Variants in ACYP2 observed in about 807,000 individuals in gnomAD.
The protein encoded by ACYP2 is acylphosphatase-2.
A neutral mutation model predicts 11.2 loss-of-function variants in ACYP2; 12 were observed. That is an observed-to-expected ratio of 1.08 (90% CI 0.69 to 1.74). The LOEUF (loss-of-function observed/expected upper bound fraction) is 1.74. ACYP2 is among the 40% of genes most tolerant of loss of function. The probability of loss-of-function intolerance (pLI) is 0.00; values close to 1 mark genes in which losing one functional copy is unlikely to be tolerated. For synonymous variants in ACYP2, 43 were observed against 32.2 expected (o/e 1.33, Z -1.13); for missense variants, 134 against 101.9 (o/e 1.31, Z -1.35).
At chr2:54,096,090 G>A (rs1441655023) in intron 4 of ACYP2, among the ~76,000 whole-genome samples, 5 of 139,842 alleles carry the variant, frequency 3.6e-5, no homozygotes, top group Non-Finnish European at 6.2e-5. Context: ...GTGGCTGCGG[G>A]GCGGAGACGC....
chr2:54,193,301 A>G (rs1684314929), intron 6 of ACYP2, among the ~76,000 whole-genome samples: 1 of 152,246 alleles, frequency 6.6e-6, no homozygotes, highest in Non-Finnish European at 1.5e-5. Flanking sequence ...TACCACATTA[A>G]TATCTTTATT....
chr2:54,165,136 T>C (rs549107280), intron 6 of ACYP2, among the ~76,000 whole-genome samples: 4 of 152,338 alleles, frequency 2.6e-5, no homozygotes, highest in East Asian at 3.9e-4. Flanking sequence ...GTTGGTTCCA[T>C]GTCTTTGCTA....
chr2:54,104,627 T>C (rs1679056439), intron 4 of ACYP2, among the ~76,000 whole-genome samples: 1 of 152,166 alleles, frequency 6.6e-6, no homozygotes, highest in African/African-American at 2.4e-5. Flanking sequence ...TTAGTCTGAG[T>C]ATTCTACACT....
At chr2:54,116,055 T>G (rs9808489) in intron 4 of ACYP2, among the ~76,000 whole-genome samples, 8,027 of 151,916 alleles carry the variant, frequency 0.053, 655 homozygotes, top group African/African-American at 0.18. Context: ...CACGGGGGAA[T>G]GTTGAAGTTG....
chr2:54,255,013 T>C, intron 6 of ACYP2: 1 of 1,614,110 alleles, frequency 6.2e-7, no homozygotes, highest in Non-Finnish European at 8.5e-7. Context: ...CAACAGGTAG[T>C]ACTGCAGTGG....
At chr2:53,995,014 T>G (rs1672501627) in intron 2 of ACYP2, among the ~76,000 whole-genome samples, 1 of 152,168 alleles carries the variant, frequency 6.6e-6, no homozygotes, top group Non-Finnish European at 1.5e-5. Flanking sequence ...AAGAGTGTCT[T>G]TCTGTTTTTG....
chr2:53,990,989 G>A (rs949211912), intron 2 of ACYP2, among the ~76,000 whole-genome samples: 1 of 152,024 alleles, frequency 6.6e-6, no homozygotes, highest in Non-Finnish European at 1.5e-5. Context: ...GTAGAGACGG[G>A]GTTTCACTGT....
At chr2:54,218,000 C>A (rs1685626821) in intron 6 of ACYP2, among the ~76,000 whole-genome samples, 1 of 152,168 alleles carries the variant, frequency 6.6e-6, no homozygotes, top group African/African-American at 2.4e-5. Flanking sequence ...AACCTTGTTA[C>A]CACTTTTTGA....
At chr2:54,151,246 G>A (rs1162804744) in intron 6 of ACYP2, among the ~76,000 whole-genome samples, 1 of 152,114 alleles carries the variant, frequency 6.6e-6, no homozygotes, top group South Asian at 2.1e-4. Context: ...TGAGTTTCCA[G>A]TTGTGACAAT....
intron 6 of ACYP2, among the ~76,000 whole-genome samples, chr2:54,231,521 G>A (rs183334718): frequency 2.7e-4 from 41 of 152,288 alleles, no homozygotes; most frequent in African/African-American, 8.2e-4. Context: ...GTTGGGACCT[G>A]GTAAAAGCAG....
intron 4 of ACYP2, among the ~76,000 whole-genome samples, chr2:54,120,029 A>T (rs1353251937): frequency 6.6e-6 from 1 of 152,264 alleles, no homozygotes; most frequent in South Asian, 2.1e-4. Context: ...AAGGAAGACC[A>T]CAGAGGTGAA....
At chr2:54,287,510 G>A (rs1460053563) in intron 6 of ACYP2, among the ~76,000 whole-genome samples, 1 of 151,976 alleles carries the variant, frequency 6.6e-6, no homozygotes, top group Non-Finnish European at 1.5e-5. Context: ...CTCATAGAAT[G>A]TGTTAGAGGT....
At chr2:54,247,932 G>C (rs112358859) in intron 6 of ACYP2, among the ~76,000 whole-genome samples, 26 of 152,302 alleles carry the variant, frequency 1.7e-4, no homozygotes, top group African/African-American at 6.0e-4. Context: ...ACTTTGTACA[G>C]TTATATGAGA....
At chr2:54,109,759 G>T (rs1679359068) in intron 4 of ACYP2, among the ~76,000 whole-genome samples, 1 of 151,874 alleles carries the variant, frequency 6.6e-6, no homozygotes, top group Non-Finnish European at 1.5e-5. Flanking sequence ...ATATAGTAGA[G>T]TTCCCATATG....
chr2:54,207,173 ATG>A (rs58920943), intron 6 of ACYP2, among the ~76,000 whole-genome samples: 4,268 of 138,580 alleles, frequency 0.031, 153 homozygotes, highest in African/African-American at 0.089. Flanking sequence ...CAACATGTAT[ATG>A]TGTGTGTGTG....
chr2:54,081,082 T>C (rs906306523), intron 4 of ACYP2, among the ~76,000 whole-genome samples: 1 of 152,250 alleles, frequency 6.6e-6, no homozygotes, highest in Non-Finnish European at 1.5e-5. Context: ...TCAAATACTC[T>C]TTGAGTTCAT....
intron 2 of ACYP2, among the ~76,000 whole-genome samples, chr2:53,992,869 AAAG>A (rs1228829912): frequency 1.3e-5 from 2 of 151,994 alleles, no homozygotes; most frequent in Non-Finnish European, 1.5e-5. Flanking sequence ...ACGGGAAGCA[AAAG>A]AAGGAGAAGT....
chr2:54,066,301 G>A (rs779374623), intron 4 of ACYP2, among the ~76,000 whole-genome samples: 48 of 152,182 alleles, frequency 3.2e-4, no homozygotes, highest in Non-Finnish European at 6.2e-4. Context: ...CACCATTTAA[G>A]ACATGCCTTG....
chr2:54,059,568 C>T (rs781668806), intron 4 of ACYP2, among the ~76,000 whole-genome samples: 1 of 152,316 alleles, frequency 6.6e-6, no homozygotes, highest in East Asian at 1.9e-4. Context: ...TTTTCAGATG[C>T]TGACTAATAC....
Sources: gnomAD v4.1 joint callset for allele counts (sites outside exome capture counted in the v4.1 genomes callset) on GRCh38, gnomAD v4.1.1 for gene constraint, MANE v1.5 for transcripts, NCBI Gene and HGNC (gene_info 2026-07-23, HGNC 2026-07-21) for gene names.